Variants in PDK1 observed in about 807,000 individuals in gnomAD.
The protein encoded by PDK1 is [Pyruvate dehydrogenase (acetyl-transferring)] kinase isozyme 1, mitochondrial.
PDK1 carries 39 observed loss-of-function variants against 54.2 expected under a neutral mutation model. The ratio of observed to expected loss-of-function variants is 0.72; its 90% CI spans 0.56 to 0.94. The LOEUF is 0.94. Ranked by LOEUF, PDK1 falls within the 40% of genes least tolerant of loss-of-function variation. PDK1 has a pLI of 0.00. For synonymous variants in PDK1, 221 were observed against 207.1 expected (o/e 1.07, Z -0.58); for missense variants, 552 against 566.0 (o/e 0.98, Z 0.25).
the PDK1 span, among the ~76,000 whole-genome samples, chr2:172,651,977 A>C: frequency 0.017 from 2,526 of 152,298 alleles, 7 homozygotes; most frequent in African/African-American, 0.057. Context: ...ATGAGGCCAG[A>C]AACATCCTGA....
At chr2:172,562,540 G>A (rs1688712235) in intron 3 of PDK1, among the ~76,000 whole-genome samples, 1 of 152,166 alleles carries the variant, frequency 6.6e-6, no homozygotes, top group Non-Finnish European at 1.5e-5. Context: ...AGTGCCAGTT[G>A]GACTGTTCAC....
the PDK1 span, among the ~76,000 whole-genome samples, chr2:172,702,579 T>C: frequency 0.19 from 28,295 of 150,728 alleles, 3,250 homozygotes; most frequent in African/African-American, 0.31. Flanking sequence ...AAAAGCTCTG[T>C]TCAGCTTCTC....
At chr2:172,557,755 G>A (rs149616028) in intron 1 of PDK1, among the ~76,000 whole-genome samples, 1 of 151,388 alleles carries the variant, frequency 6.6e-6, no homozygotes, top group East Asian at 2.0e-4. Flanking sequence ...GATGATAGGT[G>A]TGAGCCACCA....
At chr2:172,686,603 C>T in the PDK1 span, among the ~76,000 whole-genome samples, 74 of 152,332 alleles carry the variant, frequency 4.9e-4, no homozygotes, top group African/African-American at 1.7e-3. Context: ...GCAGCAGCAA[C>T]CTGCTTGGGC....
At chr2:172,623,864 C>T in the PDK1 span, among the ~76,000 whole-genome samples, 3 of 152,202 alleles carry the variant, frequency 2.0e-5, no homozygotes, top group African/African-American at 7.2e-5. Flanking sequence ...ATTGGGCACT[C>T]CTAACTTAAA....
chr2:172,594,435 A>G (rs962436371), intron 10 of PDK1, among the ~76,000 whole-genome samples: 3 of 152,204 alleles, frequency 2.0e-5, no homozygotes, highest in Non-Finnish European at 2.9e-5. Flanking sequence ...TGCCACACAT[A>G]AAATACACTA....
the PDK1 span, among the ~76,000 whole-genome samples, chr2:172,618,828 C>G: frequency 2.6e-5 from 4 of 152,112 alleles, no homozygotes; most frequent in Non-Finnish European, 5.9e-5. Context: ...CTGGGAGTTC[C>G]AGAGTTGGGG....
the PDK1 span, among the ~76,000 whole-genome samples, chr2:172,632,460 C>T: frequency 6.6e-5 from 10 of 151,968 alleles, no homozygotes; most frequent in African/African-American, 1.9e-4. Flanking sequence ...GGTAAAGATC[C>T]AGTGCATGCT....
chr2:172,587,610 G>A (rs1385741249), intron 9 of PDK1, among the ~76,000 whole-genome samples: 1 of 152,184 alleles, frequency 6.6e-6, no homozygotes. Flanking sequence ...AAGAGCAAAA[G>A]AACAAAGCTT....
chr2:172,715,766 G>A, the PDK1 span, among the ~76,000 whole-genome samples: 1 of 152,244 alleles, frequency 6.6e-6, no homozygotes, highest in Non-Finnish European at 1.5e-5. Context: ...CAAGAAAGTA[G>A]TATAATAAGA....
the PDK1 span, among the ~76,000 whole-genome samples, chr2:172,662,493 C>CGTGTGTGTGTGTGTGTGTGTGTGT: frequency 0.027 from 3,919 of 143,538 alleles, 80 homozygotes; most frequent in Non-Finnish European, 0.036. Flanking sequence ...TTTTTAAAAT[C>CGTGTGTGTGTGTGTGTGTGTGTGT]GTGTGTGTGT....
intron 8 of PDK1, among the ~76,000 whole-genome samples, chr2:172,573,646 A>G (rs1689416966): frequency 1.4e-5 from 2 of 146,020 alleles, no homozygotes; most frequent in Admixed American, 1.4e-4. Flanking sequence ...GTGTATATAT[A>G]TATACACTCT....
At chr2:172,559,443 T>C (rs1446763543) in intron 2 of PDK1, among the ~76,000 whole-genome samples, 1 of 152,240 alleles carries the variant, frequency 6.6e-6, no homozygotes, top group Non-Finnish European at 1.5e-5. Context: ...AAAAAATGTC[T>C]GCAATTTGTT....
At chr2:172,661,414 G>T in the PDK1 span, among the ~76,000 whole-genome samples, 1 of 152,140 alleles carries the variant, frequency 6.6e-6, no homozygotes, top group African/African-American at 2.4e-5. Context: ...CTGTTCTTGA[G>T]GTTATTTGGT....
At position 172,580,436 on chromosome 2, in the gene PDK1, T is replaced by A. The variant is rs532258108; in HGVS notation, c.946-5842T>A. 1.3e-4 allele frequency among the ~76,000 whole-genome samples: 20 copies of A among 152,306 alleles called. No individual in the cohort carries two copies. The South Asian group carries it at 3.9e-3, about 30-fold the overall frequency. On this transcript the variant is annotated intron_variant, in intron 8 of 10. Transcript: ENST00000282077. ...AGAAGTGCTTTATTTAGCATTTTGGTCTGCAGCTGCTTTCTATTGCTATTA... is the reference window on the plus strand; with the variant it reads ...AGAAGTGCTTTATTTAGCATTTTGGACTGCAGCTGCTTTCTATTGCTATTA...
At chr2:172,632,104 C>T in the PDK1 span, among the ~76,000 whole-genome samples, 4 of 151,728 alleles carry the variant, frequency 2.6e-5, no homozygotes, top group Admixed American at 6.6e-5. Flanking sequence ...GGTGAAACCC[C>T]GTCTACTAAA....
chr2:172,709,843 A>G, the PDK1 span, among the ~76,000 whole-genome samples: 1 of 152,230 alleles, frequency 6.6e-6, no homozygotes, highest in Non-Finnish European at 1.5e-5. Flanking sequence ...CAATTCAGTG[A>G]TGGACAGCAA....
chr2:172,629,486 C>T, the PDK1 span, among the ~76,000 whole-genome samples: 8,033 of 152,128 alleles, frequency 0.053, 408 homozygotes, highest in East Asian at 0.22. Flanking sequence ...AGAGTTCAGC[C>T]GGGGAAGACC....
At chr2:172,644,256 G>A in the PDK1 span, among the ~76,000 whole-genome samples, 1 of 152,338 alleles carries the variant, frequency 6.6e-6, no homozygotes, top group African/African-American at 2.4e-5. Context: ...GAGTTGGGCT[G>A]CTGCGACATA....
Sources: allele counts gnomAD v4.1 joint callset (sites outside exome capture counted in the v4.1 genomes callset), GRCh38; gene constraint gnomAD v4.1.1; transcripts MANE v1.5; gene names NCBI Gene and HGNC (gene_info 2026-07-23, HGNC 2026-07-21).